PCDH1: variants seen among roughly 807,000 people sequenced by gnomAD.
PCDH1 encodes protocadherin 1.
In PCDH1, 23 loss-of-function variants were observed where a neutral mutation model predicts 74.6. That is an observed-to-expected ratio of 0.31 (90% CI 0.22 to 0.44). The LOEUF is 0.44. PCDH1 is among the 20% of genes least tolerant of loss of function. The pLI is 1.00. For synonymous variants in PCDH1, 647 were observed against 686.1 expected, an observed-to-expected ratio of 0.94 and a Z score of 0.89; for missense variants, 1,214 against 1,641.4, an observed-to-expected ratio of 0.74 and a Z score of 4.50.
At chr5:141,874,801 C>G (rs111756610) in intron 1 of PCDH1, among the ~76,000 whole-genome samples, 1 of 152,160 alleles carries the variant, frequency 6.6e-6, no homozygotes, top group African/African-American at 2.4e-5. Context: ...ACGGTCACTG[C>G]CGCGGGCACA....
In PCDH1 at chr5:141,878,277, C is replaced by G. The variant is rs1352913420; in HGVS notation, c.-15G>C. The stretch of plus-strand genomic sequence containing the variant: ...CCGCTGTCCATGAGCCGCCGCCGGC[C>G]CCGGCCTGGGCTGCGGCTCCGCACG... On this transcript the variant is annotated 5_prime_UTR_variant, in exon 1 of 5. Transcript: ENST00000287008. The surrounding 1 kb of genome is among the most constrained non-coding windows in gnomAD (Gnocchi z 5.5). The G allele has an allele frequency of 3.1e-6, 4 of 1,286,658 alleles. No individual in the cohort carries two copies. The highest frequency in any genetic ancestry group is 4.2e-5 in the Admixed American group (1 of 23,992). 79.7% of individuals were successfully genotyped at this position (1,286,658 alleles called of 1,614,324 possible).
chr5:141,862,296 T>C (rs1752597253), intron 3 of PCDH1, among the ~76,000 whole-genome samples: 2 of 152,146 alleles, frequency 1.3e-5, no homozygotes, highest in Non-Finnish European at 2.9e-5. Flanking sequence ...AGGCAACTGT[T>C]TGAGCAGATT....
intron 4 of PCDH1, among the ~76,000 whole-genome samples, chr5:141,855,416 TATCCTCAGGTGGGGTTGAGG>T (rs1447975976): frequency 1.3e-5 from 2 of 152,140 alleles, no homozygotes; most frequent in Non-Finnish European, 2.9e-5. Flanking sequence ...TGTGCAAATC[TATCCTCAGGTGGGGTTGAGG>T]AAACCTCCAT....
rs533607205 is a variant in PCDH1 at position 141,868,562 on chromosome 5, C to G, written c.903+7G>C. 10 of 1,524,720 alleles carry G rather than the reference C, an allele frequency of 6.6e-6. No homozygotes were observed. The South Asian group carries it at 1.2e-4, about 18-fold the overall frequency. The allele number at this position is 1,524,720 out of a possible 1,614,324, so 94.4% of individuals were successfully genotyped here. The stretch of plus-strand genomic sequence containing the variant: ...ACCCTGACAGTTATACGGAGGGGGC[C>G]TCTCACCTGGATGACCGAGTGGCCT... On this transcript the variant is annotated splice_region_variant and intron_variant, in intron 2 of 4. Coordinates refer to ENST00000287008, the MANE Select transcript of PCDH1 (RefSeq NM_032420.5). This position sits in a 1 kb window ranked among gnomAD's most constrained non-coding sequence, Gnocchi z 4.8.
chr5:141,873,507 C>A lies in PCDH1; in HGVS notation c.41-4076G>T, dbSNP rs1280035603. On this transcript the variant is annotated intron_variant, in intron 1 of 4. Transcript: ENST00000287008. The stretch of plus-strand genomic sequence containing the variant: ...TGTTGCCCAGGCTGGAGTGCAGGGG[C>A]GCGATCCCGGCTCACTGCAAGCTCC... Among the ~76,000 whole-genome samples, 5 of 149,354 alleles carry A rather than the reference C, an allele frequency of 3.3e-5. No individual in the cohort carries two copies. The South Asian group carries it at 1.1e-3, about 32-fold the overall frequency.
chr5:141,863,682 T>G lies in PCDH1; in HGVS notation c.2649A>C (p.Lys883Asn). 1.2e-6 allele frequency: 2 copies of G among 1,614,190 alleles called. No individual in the cohort carries two copies. The highest frequency in any genetic ancestry group is 1.7e-6 in the Non-Finnish European group (2 of 1,180,004). Residue 883 changes from lysine (K) to asparagine (N), a missense_variant, in exon 3 of 5, where the codon AAA becomes AAC. By Grantham distance (94) the Lys-to-Asn change is moderately conservative. Around this residue, in one of 4 missense-constraint regions of PCDH1, gnomAD observed 836 missense variants for 1,182.2 expected, o/e 0.71. Transcript: ENST00000287008. This position sits in a 1 kb window ranked among gnomAD's most constrained non-coding sequence, Gnocchi z 7.5. ...LVRYCRQREAKSGYQAGKKET... is the reference protein window; with the variant it reads ...LVRYCRQREANSGYQAGKKET... ...CCTTCTTACCAGCCTGGTAACCACTTTTGGCCTCCCGCTGTCTGCAGTAGC... is the reference window on the plus strand; with the variant it reads ...CCTTCTTACCAGCCTGGTAACCACTGTTGGCCTCCCGCTGTCTGCAGTAGC...
intron 1 of PCDH1, among the ~76,000 whole-genome samples, chr5:141,872,689 A>T (rs929317342): frequency 6.6e-6 from 1 of 152,158 alleles, no homozygotes; most frequent in Non-Finnish European, 1.5e-5. Context: ...CATGCTTGTG[A>T]GACTACCTCC....
intron 1 of PCDH1, among the ~76,000 whole-genome samples, chr5:141,871,276 C>T (rs983748931): frequency 1.3e-5 from 2 of 152,236 alleles, no homozygotes; most frequent in African/African-American, 4.8e-5. Flanking sequence ...TGGGCATTTA[C>T]AATATGCCAG....
At chr5:141,866,251 A>G in intron 2 of PCDH1, 8 of 985,446 alleles carry the variant, frequency 8.1e-6, no homozygotes, top group Non-Finnish European at 9.6e-6. Context: ...AATGCGAGGA[A>G]TCCGGCCTGA....
At chr5:141,873,966 T>A (rs1753158818) in intron 1 of PCDH1, among the ~76,000 whole-genome samples, 1 of 152,178 alleles carries the variant, frequency 6.6e-6, no homozygotes, top group South Asian at 2.1e-4. Context: ...CTGTCTTAAG[T>A]CACAGAAGTA....
intron 2 of PCDH1, chr5:141,867,355 A>G (rs924024554): frequency 7.6e-5 from 22 of 289,698 alleles, no homozygotes; most frequent in Middle Eastern, 1.2e-3. Flanking sequence ...CTCTGAAGCC[A>G]GACTCTTGGC....
chr5:141,861,951 A>C (rs1752584497), intron 3 of PCDH1, among the ~76,000 whole-genome samples: 1 of 152,070 alleles, frequency 6.6e-6, no homozygotes, highest in African/African-American at 2.4e-5. Flanking sequence ...GGAAGGCAGA[A>C]CTAGGAAGCC....
Position 141,864,111 on chromosome 5 carries a change from T to C in PCDH1, c.2220A>G (p.Ala740=), listed in dbSNP as rs1434057240. 1 of 1,610,654 alleles carries C rather than the reference T, an allele frequency of 6.2e-7. No individual in the cohort carries two copies. Among genetic ancestry groups the C allele is most frequent in the South Asian group, 1.1e-5 (1 of 90,958 alleles). ...TRLGETVSQV[A]AEDFDSGVNA... The stretch of plus-strand genomic sequence containing the variant: ...TGACACCAGAGTCAAAGTCCTCGGC[T>C]GCCACCTGGCTGACCGTCTCACCAA... The change falls in exon 3 of 5, where the codon GCA becomes GCG. Residue 740 remains alanine (A), a synonymous_variant. Coordinates refer to ENST00000287008, the MANE Select transcript of PCDH1 (RefSeq NM_032420.5). This position sits in a 1 kb window ranked among gnomAD's most constrained non-coding sequence, Gnocchi z 5.9.
In PCDH1 at chr5:141,856,305, A is replaced by G. The variant is rs1204822387; in HGVS notation, c.3319+947T>C. On this transcript the variant is annotated intron_variant, in intron 4 of 4. Coordinates refer to ENST00000287008, the MANE Select transcript of PCDH1 (RefSeq NM_032420.5). ...GGATGAGACGGGCATGAGATCGCGC[A>G]TGGAGGGGCGGGGTGGGGGTGGAGG... The G allele has an allele frequency of 1.4e-5, 9 of 641,632 alleles. No individual in the cohort carries two copies. The Admixed American group carries it at 1.6e-4, about 12-fold the overall frequency. 39.7% of individuals were successfully genotyped at this position (641,632 alleles called of 1,614,324 possible).
chr5:141,866,099 G>T, intron 2 of PCDH1: 9 of 985,528 alleles, frequency 9.1e-6, no homozygotes, highest in African/African-American at 1.7e-5. Flanking sequence ...CCAGGTTGGG[G>T]GATTTCTTTT....
rs1210167666 is a variant in PCDH1 at position 141,878,061 on chromosome 5, C to T, written c.40+162G>A. On this transcript the variant is annotated intron_variant, in intron 1 of 4. Coordinates refer to ENST00000287008, the MANE Select transcript of PCDH1 (RefSeq NM_032420.5). The surrounding 1 kb of genome is among the most constrained non-coding windows in gnomAD (Gnocchi z 5.5). Reference sequence around the variant, plus strand: ...GGACGGAATCCCTCAGCCGCATCCCCTGCTATGGGCTCCCAGCAGCCCCCA... The same window carrying T: ...GGACGGAATCCCTCAGCCGCATCCCTTGCTATGGGCTCCCAGCAGCCCCCA... 6.6e-6 allele frequency among the ~76,000 whole-genome samples: 1 copy of T among 152,174 alleles called. No homozygotes were observed. Among genetic ancestry groups the T allele is most frequent in the Non-Finnish European group, 1.5e-5 (1 of 68,020 alleles).
At position 141,869,199 on chromosome 5, in the gene PCDH1, C is replaced by T. The variant is rs1753007338; in HGVS notation, c.273G>A (p.Lys91=). Residue 91 remains lysine (K), a synonymous_variant, in exon 2 of 5, where the codon AAG becomes AAA. Transcript: ENST00000287008. The surrounding 1 kb of genome is among the most constrained non-coding windows in gnomAD (Gnocchi z 4.9). ...YGFPDVGHLY[K]LEVGAPYLRV... ...GAAGGTACGGGGCACCCACCTCTAG[C>T]TTGTACAGGTGCCCCACATCTGGAA... The T allele has an allele frequency of 6.2e-7, 1 of 1,614,028 alleles. No homozygotes were observed. The highest frequency in any genetic ancestry group is 1.1e-5 in the South Asian group (1 of 91,064).
intron 1 of PCDH1, among the ~76,000 whole-genome samples, chr5:141,872,589 G>A (rs1243989477): frequency 2.0e-5 from 3 of 152,140 alleles, no homozygotes; most frequent in Admixed American, 6.5e-5. Flanking sequence ...CAAGAGCTAC[G>A]AATTAAGCCC....
chr5:141,856,084 C>G, intron 4 of PCDH1: 1 of 813,068 alleles, frequency 1.2e-6, no homozygotes, highest in East Asian at 2.7e-5. Flanking sequence ...TGTTAACCCT[C>G]AAAGTGCCAA....
Sources: allele counts gnomAD v4.1 joint callset (sites outside exome capture counted in the v4.1 genomes callset), GRCh38; gene constraint gnomAD v4.1.1; regional missense constraint gnomAD v4.1.1; non-coding constraint Gnocchi (gnomAD v3.1); transcripts MANE v1.5; gene names NCBI Gene and HGNC (gene_info 2026-07-23, HGNC 2026-07-21).